Variants in ACYP2 observed in about 807,000 individuals in gnomAD.
ACYP2 encodes the protein acylphosphatase 2.
In ACYP2, 12 loss-of-function variants were observed where a neutral mutation model predicts 11.2. The ratio of observed to expected loss-of-function variants is 1.08; its 90% CI spans 0.69 to 1.74. The LOEUF is 1.74. ACYP2 is among the 40% of genes most tolerant of loss of function. The probability of loss-of-function intolerance (pLI) is 0.00; values close to 1 mark genes in which losing one functional copy is unlikely to be tolerated. For missense variants in ACYP2, 134 were observed against 101.9 expected (o/e 1.31, Z -1.35); for synonymous variants, 43 against 32.2 (o/e 1.33, Z -1.13).
At chr2:54,169,597 G>A (rs937078115) in intron 6 of ACYP2, among the ~76,000 whole-genome samples, 1 of 152,046 alleles carries the variant, frequency 6.6e-6, no homozygotes, top group Non-Finnish European at 1.5e-5. Context: ...TTTGATGTAA[G>A]TCTAGCTACT....
chr2:54,087,473 G>A (rs7560947), intron 4 of ACYP2, among the ~76,000 whole-genome samples: 2 of 151,722 alleles, frequency 1.3e-5, no homozygotes, highest in African/African-American at 2.4e-5. Context: ...CTTAACCTCC[G>A]CAGTAGCTAG....
intron 6 of ACYP2, among the ~76,000 whole-genome samples, chr2:54,221,418 T>G (rs843755): frequency 0.26 from 38,994 of 152,058 alleles, 5,188 homozygotes; most frequent in South Asian, 0.37. Flanking sequence ...CAGTTCTCTA[T>G]TAATTGAAAA....
chr2:54,045,064 A>C (rs1675441684), intron 2 of ACYP2, among the ~76,000 whole-genome samples: 1 of 152,184 alleles, frequency 6.6e-6, no homozygotes, highest in South Asian at 2.1e-4. Flanking sequence ...GAACATTATA[A>C]AATGTTAAGT....
chr2:54,039,219 T>TG (rs1675086732), intron 2 of ACYP2, among the ~76,000 whole-genome samples: 1 of 132,088 alleles, frequency 7.6e-6, no homozygotes, highest in Admixed American at 7.1e-5. Context: ...CTTTGGAAGT[T>TG]TTTTTTTTTT....
At position 54,003,968 on chromosome 2, in the gene ACYP2, GTGTTTTGT is replaced by G. The variant is rs553796033; in HGVS notation, c.62+30168_62+30175del. On this transcript the variant is annotated intron_variant, in intron 2 of 6. Coordinates refer to ENST00000607452, the MANE Select transcript of ACYP2 (RefSeq NM_001320586.2). ...AGTGGTACCTCTTTGTTTTTGTTTT[GTGTTTTGT>G]TGTTTTGTTTTTTGTTTTTTTTTCT... Among the ~76,000 whole-genome samples the G allele has an allele frequency of 5.9e-5, 9 of 151,780 alleles. No individual in the cohort carries two copies. In the East Asian group the frequency reaches 1.7e-3, roughly 29 times the overall value.
At chr2:54,289,780 G>T (rs1317714474) in intron 6 of ACYP2, among the ~76,000 whole-genome samples, 1 of 151,778 alleles carries the variant, frequency 6.6e-6, no homozygotes, top group East Asian at 1.9e-4. Context: ...ATCCTGGGAG[G>T]TTCAAAAGGT....
chr2:54,011,971 C>A (rs1673398123), intron 2 of ACYP2, among the ~76,000 whole-genome samples: 1 of 152,118 alleles, frequency 6.6e-6, no homozygotes, highest in South Asian at 2.1e-4. Context: ...TGAAGTGGCT[C>A]ACACTTGTAA....
At chr2:54,096,242 G>A (rs1318476339) in intron 4 of ACYP2, among the ~76,000 whole-genome samples, 6 of 147,948 alleles carry the variant, frequency 4.1e-5, no homozygotes, top group Non-Finnish European at 6.0e-5. Flanking sequence ...ACGGGGCGGC[G>A]GAGCAGAGGC....
chr2:54,048,725 A>G (rs548962217), intron 2 of ACYP2, among the ~76,000 whole-genome samples: 23 of 152,360 alleles, frequency 1.5e-4, no homozygotes, highest in African/African-American at 4.6e-4. Context: ...TGGCATTTTT[A>G]AAGATATCTT....
chr2:54,239,771 C>T (rs972910980), intron 6 of ACYP2, among the ~76,000 whole-genome samples: 1 of 152,156 alleles, frequency 6.6e-6, no homozygotes, highest in Non-Finnish European at 1.5e-5. Flanking sequence ...GTAAGGGGGA[C>T]AAACTCTAAA....
At chr2:54,096,556 T>G (rs2103693067) in intron 4 of ACYP2, among the ~76,000 whole-genome samples, 1 of 152,124 alleles carries the variant, frequency 6.6e-6, no homozygotes, top group South Asian at 2.1e-4. Flanking sequence ...GAGCACTGAG[T>G]GAACCAGACT....
At chr2:54,032,144 G>T (rs1674617532) in intron 2 of ACYP2, among the ~76,000 whole-genome samples, 1 of 152,148 alleles carries the variant, frequency 6.6e-6, no homozygotes, top group Non-Finnish European at 1.5e-5. Context: ...GATCCCATTT[G>T]TCTATTTTGG....
At chr2:54,304,442 A>C (rs1689841412) in intron 6 of ACYP2, among the ~76,000 whole-genome samples, 1 of 152,128 alleles carries the variant, frequency 6.6e-6, no homozygotes, top group African/African-American at 2.4e-5. Context: ...AGATAACCCT[A>C]ATATAAAATC....
chr2:54,196,457 CAT>C (rs1684484258), intron 6 of ACYP2, among the ~76,000 whole-genome samples: 1 of 152,190 alleles, frequency 6.6e-6, no homozygotes, highest in African/African-American at 2.4e-5. Context: ...CTGTGGTAAA[CAT>C]ACACAGACCT....
At chr2:54,225,187 A>C (rs1685961738) in intron 6 of ACYP2, among the ~76,000 whole-genome samples, 1 of 152,174 alleles carries the variant, frequency 6.6e-6, no homozygotes, top group Non-Finnish European at 1.5e-5. Context: ...CTTCGCCCTC[A>C]AGAAATTCTC....
chr2:53,989,730 A>G (rs1672197228), intron 2 of ACYP2, among the ~76,000 whole-genome samples: 1 of 152,158 alleles, frequency 6.6e-6, no homozygotes, highest in Non-Finnish European at 1.5e-5. Context: ...AAGGGATGAT[A>G]AGTGATATTG....
At chr2:54,024,738 C>G (rs1164735334) in intron 2 of ACYP2, among the ~76,000 whole-genome samples, 2 of 152,048 alleles carry the variant, frequency 1.3e-5, no homozygotes, top group Non-Finnish European at 2.9e-5. Flanking sequence ...TCCTAGCCAG[C>G]ACAATCATAC....
At chr2:54,196,459 T>C (rs1267573677) in intron 6 of ACYP2, among the ~76,000 whole-genome samples, 2 of 152,222 alleles carry the variant, frequency 1.3e-5, no homozygotes, top group African/African-American at 4.8e-5. Context: ...GTGGTAAACA[T>C]ACACAGACCT....
At chr2:54,017,848 G>T (rs1319685697) in intron 2 of ACYP2, among the ~76,000 whole-genome samples, 1 of 152,058 alleles carries the variant, frequency 6.6e-6, no homozygotes, top group Non-Finnish European at 1.5e-5. Context: ...CAGTGAGCGT[G>T]TGTTACTATT....
Sources: allele counts gnomAD v4.1 joint callset (sites outside exome capture counted in the v4.1 genomes callset), GRCh38; gene constraint gnomAD v4.1.1; transcripts MANE v1.5; gene names NCBI Gene and HGNC (gene_info 2026-07-23, HGNC 2026-07-21).